Variants in CTNNA2 observed in about 807,000 individuals in gnomAD.
CTNNA2 encodes the protein catenin alpha 2.
In CTNNA2, 42 loss-of-function variants were observed where a neutral mutation model predicts 101.0. The ratio of observed to expected loss-of-function variants is 0.42; its 90% CI spans 0.32 to 0.54. The LOEUF is 0.54. CTNNA2 is among the 20% of genes least tolerant of loss of function. The pLI, the probability that CTNNA2 is intolerant of heterozygous loss-of-function variation, is 0.14. For missense variants in CTNNA2, 871 were observed against 1,223.1 expected, an observed-to-expected ratio of 0.71 and a Z score of 4.29; for synonymous variants, 450 against 456.4, an observed-to-expected ratio of 0.99 and a Z score of 0.18.
intron 7 of CTNNA2, among the ~76,000 whole-genome samples, chr2:80,169,186 G>A (rs1704890733): frequency 1.3e-5 from 2 of 152,226 alleles, no homozygotes; most frequent in African/African-American, 4.8e-5. Context: ...CAGTGATGCT[G>A]TGGATGGATC....
At chr2:80,484,839 T>C (rs1010434664) in intron 9 of CTNNA2, among the ~76,000 whole-genome samples, 2 of 152,042 alleles carry the variant, frequency 1.3e-5, no homozygotes, top group Non-Finnish European at 2.9e-5. Flanking sequence ...ACCTTGTCTC[T>C]ACTGAAAATA....
chr2:79,910,567 C>T (rs891872199), intron 7 of CTNNA2, among the ~76,000 whole-genome samples: 1 of 152,166 alleles, frequency 6.6e-6, no homozygotes, highest in African/African-American at 2.4e-5. Flanking sequence ...ATCTGTGCTT[C>T]CCCCTTTCCT....
chr2:79,608,775 T>C (rs928794010), intron 1 of CTNNA2, among the ~76,000 whole-genome samples: 7 of 152,070 alleles, frequency 4.6e-5, no homozygotes, highest in African/African-American at 1.7e-4. Context: ...AACATCTACA[T>C]AAATCCTTCA....
intron 8 of CTNNA2, among the ~76,000 whole-genome samples, chr2:80,405,657 T>G (rs2149385987): frequency 6.6e-6 from 1 of 152,288 alleles, no homozygotes; most frequent in African/African-American, 2.4e-5. Context: ...GGGAAAAAAC[T>G]TAAGGACTTT....
intron 7 of CTNNA2, among the ~76,000 whole-genome samples, chr2:80,087,421 C>T (rs78994817): frequency 0.011 from 1,669 of 152,088 alleles, 23 homozygotes; most frequent in African/African-American, 0.035. Flanking sequence ...TACAAGGAAA[C>T]GGGTCAAACC....
At chr2:80,641,251 T>C (rs542966488) in intron 18 of CTNNA2, among the ~76,000 whole-genome samples, 1 of 152,320 alleles carries the variant, frequency 6.6e-6, no homozygotes, top group Non-Finnish European at 1.5e-5. Flanking sequence ...TTTATTCTAT[T>C]TAGCTTAGCC....
intron 7 of CTNNA2, among the ~76,000 whole-genome samples, chr2:80,386,422 TA>T (rs2149356705): frequency 6.6e-6 from 1 of 152,322 alleles, no homozygotes; most frequent in African/African-American, 2.4e-5. Context: ...CTAAGATTTA[TA>T]CATAATATAA....
intron 7 of CTNNA2, among the ~76,000 whole-genome samples, chr2:79,994,045 C>T (rs1187020914): frequency 6.6e-6 from 1 of 152,006 alleles, no homozygotes; most frequent in Non-Finnish European, 1.5e-5. Flanking sequence ...GTAGCTGAGA[C>T]CAGAGGTGTG....
At chr2:79,727,351 G>A (rs181574676) in intron 2 of CTNNA2, among the ~76,000 whole-genome samples, 2 of 152,284 alleles carry the variant, frequency 1.3e-5, no homozygotes, top group Admixed American at 1.3e-4. Flanking sequence ...AAAGACAGCA[G>A]TGGTCCTCAG....
chr2:79,846,126 T>C (rs1003144415), intron 3 of CTNNA2, among the ~76,000 whole-genome samples: 2 of 152,352 alleles, frequency 1.3e-5, no homozygotes, highest in Admixed American at 1.3e-4. Flanking sequence ...TTAATTGAGC[T>C]GTAATTTTAT....
intron 17 of CTNNA2, among the ~76,000 whole-genome samples, chr2:80,610,661 A>T (rs1698388936): frequency 6.6e-6 from 1 of 151,754 alleles, no homozygotes. Flanking sequence ...TTTGCCAAGA[A>T]AAATGATTTT....
At chr2:80,172,434 CA>C (rs763166351) in intron 7 of CTNNA2, among the ~76,000 whole-genome samples, 34 of 152,224 alleles carry the variant, frequency 2.2e-4, no homozygotes, top group Admixed American at 6.5e-4. Context: ...TGAAAGGAAG[CA>C]GGGGGAGAAG....
At chr2:79,196,125 G>T (rs1349935874) in intron 1 of CTNNA2, among the ~76,000 whole-genome samples, 1 of 152,048 alleles carries the variant, frequency 6.6e-6, no homozygotes, top group Non-Finnish European at 1.5e-5. Flanking sequence ...GTAGAGACGG[G>T]GTTTCACCAT....
intron 1 of CTNNA2, among the ~76,000 whole-genome samples, chr2:79,641,783 A>AT (rs1680464850): frequency 6.6e-6 from 1 of 152,338 alleles, no homozygotes; most frequent in Admixed American, 6.5e-5. Context: ...AAGGAAATGA[A>AT]TTTGACAGAT....
chr2:80,147,589 C>A (rs62140133), intron 7 of CTNNA2, among the ~76,000 whole-genome samples: 7,037 of 152,224 alleles, frequency 0.046, 200 homozygotes, highest in South Asian at 0.089. Flanking sequence ...CTTTTAGGGG[C>A]CTTTGAATCC....
chr2:79,299,079 G>A (rs1042694264), intron 2 of CTNNA2, among the ~76,000 whole-genome samples: 28 of 152,106 alleles, frequency 1.8e-4, no homozygotes, highest in Non-Finnish European at 3.8e-4. Flanking sequence ...ATTAAATGGG[G>A]TCCCCAAGCT....
At chr2:79,899,069 G>A (rs1417249708) in intron 6 of CTNNA2, among the ~76,000 whole-genome samples, 3 of 152,116 alleles carry the variant, frequency 2.0e-5, no homozygotes, top group Non-Finnish European at 2.9e-5. Context: ...TAGTCAGCGG[G>A]TGGTAAATTG....
intron 9 of CTNNA2, among the ~76,000 whole-genome samples, chr2:80,500,375 CCATT>C (rs1345100561): frequency 3.3e-5 from 5 of 152,154 alleles, no homozygotes; most frequent in African/African-American, 1.2e-4. Flanking sequence ...TATTATCCAT[CCATT>C]CATTCATTCA....
intron 4 of CTNNA2, among the ~76,000 whole-genome samples, chr2:79,491,877 G>A (rs1671209731): frequency 6.6e-6 from 1 of 152,116 alleles, no homozygotes; most frequent in Non-Finnish European, 1.5e-5. Context: ...ACCTCTATAT[G>A]ATGAAATAAT....
Sources: allele counts gnomAD v4.1 joint callset (sites outside exome capture counted in the v4.1 genomes callset), GRCh38; gene constraint gnomAD v4.1.1; transcripts MANE v1.5; gene names NCBI Gene and HGNC (gene_info 2026-07-23, HGNC 2026-07-21).